Variants in BRWD1 observed in about 807,000 individuals in gnomAD.
BRWD1 encodes bromodomain and WD repeat domain containing 1.
BRWD1 carries 82 observed loss-of-function variants against 251.2 expected under a neutral mutation model. The observed-to-expected ratio is 0.33, with a 90% CI of 0.27 to 0.39. The LOEUF is 0.39. BRWD1 is among the 10% of genes least tolerant of loss of function. BRWD1 has a pLI of 1.00. For missense variants in BRWD1, 2,233 were observed against 2,711.6 expected (o/e 0.82, Z 3.92); for synonymous variants, 918 against 902.8 (o/e 1.02, Z -0.30).
rs765015148 is a variant in BRWD1 at position 39,199,534 on chromosome 21, C to T, written c.4882G>A (p.Val1628Ile). The T allele has an allele frequency of 1.4e-5, 22 of 1,614,150 alleles. No homozygotes were observed. The highest frequency in any genetic ancestry group is 1.9e-5 in the Non-Finnish European group (22 of 1,180,026). Reference protein sequence around the residue: ...LKARAGNNRKVLRKCAAVAAN... With the variant: ...LKARAGNNRKILRKCAAVAAN... ...GCCACAGCAGCACACTTCCTTAAGA[C>T]TTTTCGGTTATTTCCAGCTCTGGCT... Residue 1628 changes from valine to isoleucine, a missense_variant, in exon 40 of 41, where the codon GTC becomes ATC. This residue lies in a region of BRWD1 where 928 missense variants were observed against 970.0 expected (regional missense o/e 0.96). Transcript: ENST00000342449.
chr21:39,197,997 A>G (rs2031909088), intron 40 of BRWD1, among the ~76,000 whole-genome samples: 1 of 152,180 alleles, frequency 6.6e-6, no homozygotes, highest in Non-Finnish European at 1.5e-5. Flanking sequence ...TCTTGACACT[A>G]TAATATTAAC....
At chr21:39,255,136 C>A (rs2034520116) in intron 19 of BRWD1, among the ~76,000 whole-genome samples, 2 of 152,080 alleles carry the variant, frequency 1.3e-5, no homozygotes, top group Admixed American at 6.6e-5. Context: ...CGGAGCCGGG[C>A]GTGGTGGCTC....
chr21:39,226,808 C>A (rs1041260422), intron 27 of BRWD1, among the ~76,000 whole-genome samples: 1 of 152,136 alleles, frequency 6.6e-6, no homozygotes, highest in Admixed American at 6.5e-5. Context: ...CTAAAATTTA[C>A]CTTCTTGTAG....
chr21:39,292,082 C>T (rs1327686917), intron 8 of BRWD1, among the ~76,000 whole-genome samples: 1 of 130,484 alleles, frequency 7.7e-6, no homozygotes, highest in African/African-American at 3.0e-5. Context: ...ACCGAGACTA[C>T]AGGCGTGTGC....
intron 8 of BRWD1, among the ~76,000 whole-genome samples, chr21:39,281,965 T>C (rs1285442280): frequency 6.6e-6 from 1 of 151,480 alleles, no homozygotes; most frequent in African/African-American, 2.4e-5. Context: ...CATATATGTA[T>C]ACATATAAAT....
rs373308487 is a variant in BRWD1, at chr21:39,197,143, A to G, written c.5926T>C (p.Leu1976=). 2.3e-5 allele frequency: 37 copies of G among 1,613,958 alleles called. No individual in the cohort carries two copies. The African/African-American group carries it at 4.0e-4, about 17-fold the overall frequency. The stretch of plus-strand genomic sequence containing the variant: ...TGTACACTTCCTTCACAATCACTCA[A>G]TTTCTTCTTAGCTGTAGTACAAGCA... The part of the protein sequence containing the change: ...HLACTTAKKK[L]SDCEGSVHCE... The change falls in exon 41 of 41, where the codon TTG becomes CTG. Residue 1976 remains leucine (L), a synonymous_variant. Transcript: ENST00000342449.
At chr21:39,275,271 A>G (rs1483473451) in intron 12 of BRWD1, among the ~76,000 whole-genome samples, 1 of 152,242 alleles carries the variant, frequency 6.6e-6, no homozygotes, top group Non-Finnish European at 1.5e-5. Flanking sequence ...AAGAAGGAGT[A>G]TATGATTTAA....
chr21:39,313,614 CAT>C lies in BRWD1; in HGVS notation c.-125_-124del. On this transcript the variant is annotated 5_prime_UTR_variant, in exon 1 of 41. It removes an upstream start codon present in the reference 5' UTR. Transcript: ENST00000342449. The stretch of plus-strand genomic sequence containing the variant: ...GCGCCGCCGCCGCCGCCGCCGCCGC[CAT>C]ACCGTGCGCGCCGCCTGGACCGACG... 2 of 785,230 alleles carry C rather than the reference CAT, an allele frequency of 2.5e-6. No individual in the cohort carries two copies. Among genetic ancestry groups the C allele is most frequent in the Non-Finnish European group, 3.4e-6 (2 of 582,354 alleles). The allele number at this position is 785,230 out of a possible 1,614,324, so 48.6% of individuals were successfully genotyped here.
intron 27 of BRWD1, 102 bp downstream of exon 27, chr21:39,228,398 T>C (rs557267265): frequency 2.7e-6 from 2 of 734,398 alleles, no homozygotes; most frequent in Non-Finnish European, 2.3e-6. Flanking sequence ...GGAATTTACA[T>C]GTTTGTATAT....
chr21:39,202,184 T>G, intron 38 of BRWD1, 141 bp downstream of exon 38: 1 of 565,482 alleles, frequency 1.8e-6, no homozygotes, highest in Admixed American at 3.3e-5. Context: ...CCATGTTTAT[T>G]ATGTTTATCT....
chr21:39,190,940 T>C lies in BRWD1; in HGVS notation c.*5319A>G, dbSNP rs564256583. ...TCTTATTCTGGAACTACAACTAATC[T>C]AGCTCATCACAATACAGTTTTCTCT... On this transcript the variant is annotated 3_prime_UTR_variant, in exon 41 of 41. Coordinates refer to ENST00000342449, the MANE Select transcript of BRWD1 (RefSeq NM_033656.4). The C allele has an allele frequency of 1.0e-6, 1 of 985,280 alleles. No homozygotes were observed. Among genetic ancestry groups the C allele is most frequent in the Non-Finnish European group, 1.2e-6 (1 of 829,840 alleles). 61.0% of individuals were successfully genotyped at this position (985,280 alleles called of 1,614,324 possible).
At chr21:39,205,279 G>A (rs1010722228) in intron 37 of BRWD1, among the ~76,000 whole-genome samples, 22 of 152,050 alleles carry the variant, frequency 1.4e-4, no homozygotes, top group South Asian at 2.1e-4. Context: ...CAAGACCAGC[G>A]TGGGCACCAT....
chr21:39,276,180 C>T lies in BRWD1; in HGVS notation c.1138G>A (p.Gly380Ser), dbSNP rs770637643. The T allele has an allele frequency of 6.2e-7, 1 of 1,607,712 alleles. No individual in the cohort carries two copies. Among genetic ancestry groups the T allele is most frequent in the South Asian group, 1.1e-5 (1 of 90,464 alleles). ...KVDSIQFCNN[G>S]DRFLSGSRDG... The stretch of plus-strand genomic sequence containing the variant: ...TACAAAACACACACTTACCGATCAC[C>T]ATTGTTACAAAATTGGATACTATCT... The change falls in exon 12 of 41, where the codon GGT becomes AGT. Residue 380 changes from glycine (G) to serine (S), a missense_variant. Coordinates refer to ENST00000342449, the MANE Select transcript of BRWD1 (RefSeq NM_033656.4).
At position 39,243,167 on chromosome 21, in the gene BRWD1, T is replaced by C. The variant is rs1312176423; in HGVS notation, c.2481+4534A>G. ...ACAAAACAAATCATGTGCTTTCTGATGTGATGCACTGAGAAGAACAGTATA... is the reference window on the plus strand; with the variant it reads ...ACAAAACAAATCATGTGCTTTCTGACGTGATGCACTGAGAAGAACAGTATA... On this transcript the variant is annotated intron_variant, in intron 21 of 40. Transcript: ENST00000342449. Among the ~76,000 whole-genome samples, 5 of 152,202 alleles carry C rather than the reference T, an allele frequency of 3.3e-5. No individual in the cohort carries two copies. In the East Asian group the frequency reaches 9.6e-4, roughly 29 times the overall value.
chr21:39,236,963 G>A (rs1442537502), intron 22 of BRWD1, among the ~76,000 whole-genome samples, 179 bp from the exon 23 acceptor site: 1 of 151,912 alleles, frequency 6.6e-6, no homozygotes, highest in African/African-American at 2.4e-5. Context: ...TAAAGATCAT[G>A]ACAAACATAA....
rs770763244 is a variant in BRWD1 at position 39,200,338 on chromosome 21, G to T, written c.4634C>A (p.Ser1545Tyr). The T allele has an allele frequency of 1.9e-6, 3 of 1,613,910 alleles. No homozygotes were observed. Among genetic ancestry groups the T allele is most frequent in the South Asian group, 2.2e-5 (2 of 91,042 alleles). Residue 1545 changes from serine (S) to tyrosine (Y), a missense_variant, in exon 39 of 41, where the codon TCC becomes TAC. Transcript: ENST00000342449. The stretch of plus-strand genomic sequence containing the variant: ...CTCTTTGCTTTCCTCAGAACTACTG[G>T]AAGCTGACGATGACAAAGAGGTAGC... Reference protein sequence around the residue: ...SLATSLSSSASSSSEESKESS... With the variant: ...SLATSLSSSAYSSSEESKESS...
At chr21:39,216,071 GA>G (rs2032879091) in intron 31 of BRWD1, among the ~76,000 whole-genome samples, 1 of 152,186 alleles carries the variant, frequency 6.6e-6, no homozygotes, top group Non-Finnish European at 1.5e-5. Context: ...TTTCTGATGG[GA>G]ATGCACATTC....
intron 16 of BRWD1, 66 bp from the exon 17 acceptor site, chr21:39,264,751 AAC>A (rs963843889): frequency 4.6e-5 from 68 of 1,491,056 alleles, no homozygotes; most frequent in Non-Finnish European, 5.8e-5. Context: ...ACAAATATTA[AAC>A]AGTTAATTAA....
At position 39,248,559 on chromosome 21, in the gene BRWD1, G is replaced by C. The variant is rs2034277319; in HGVS notation, c.2350-727C>G. 2.0e-5 allele frequency among the ~76,000 whole-genome samples: 3 copies of C among 147,614 alleles called. No homozygotes were observed. The South Asian group carries it at 6.4e-4, about 32-fold the overall frequency. On this transcript the variant is annotated intron_variant, in intron 20 of 40. Coordinates refer to ENST00000342449, the MANE Select transcript of BRWD1 (RefSeq NM_033656.4). ...AGGCTGAGGGGGGAGGATCACTCAA[G>C]CCCAGGAGGTTGACGCTGCAGTGAG...
Sources: gnomAD v4.1 joint callset for allele counts (sites outside exome capture counted in the v4.1 genomes callset) on GRCh38, gnomAD v4.1.1 for gene constraint, gnomAD v4.1.1 regional missense constraint, MANE v1.5 for transcripts, NCBI Gene and HGNC (gene_info 2026-07-23, HGNC 2026-07-21) for gene names.